ASAP3: variants seen among roughly 807,000 people sequenced by gnomAD.
ASAP3 encodes ArfGAP with SH3 domain, ankyrin repeat and PH domain 3.
ASAP3 carries 85 observed loss-of-function variants against 118.2 expected under a neutral mutation model. The observed-to-expected ratio is 0.72, with a 90% CI of 0.60 to 0.86. The LOEUF (loss-of-function observed/expected upper bound fraction) is 0.86, where lower values mean the gene tolerates loss of function less well. Ranked by LOEUF, ASAP3 falls within the 40% of genes least tolerant of loss-of-function variation. The pLI is 0.00. For missense variants in ASAP3, 1,026 were observed against 1,175.0 expected (o/e 0.87, Z 1.85); for synonymous variants, 432 against 477.4 (o/e 0.90, Z 1.24).
rs1198436 is a variant in ASAP3, at chr1:23,435,679, C to T, written c.1749+172G>A. 0.02 allele frequency: 15,434 copies of T among 761,262 alleles called. 1,481 individuals are homozygous for T. In the African/African-American group the frequency reaches 0.22, roughly 11 times the overall value. 47.2% of individuals were successfully genotyped at this position (761,262 alleles called of 1,614,324 possible). ...CTAGGAAAAAACAGAGCCAGGATTC[C>T]CACCCAGGTCTGCCTGACTGAAGCT... On this transcript the variant is annotated intron_variant, in intron 17 of 24. Coordinates refer to ENST00000336689, the MANE Select transcript of ASAP3 (RefSeq NM_017707.4).
In ASAP3 at chr1:23,437,033, G is replaced by GC; in HGVS notation, c.1353dup (p.Leu452AlafsTer53). ...GTGAGCACGCCCAGGTTGGTGCTGAGCCACGTGGGGTCTGCAGAGGAAAGC... is the reference window on the plus strand; with the variant it reads ...GTGAGCACGCCCAGGTTGGTGCTGAGCCCACGTGGGGTCTGCAGAGGAAAGC... On this transcript the variant is annotated frameshift_variant, in exon 15 of 25. Transcript: ENST00000336689. LOFTEE classifies it high-confidence loss of function. This position sits in a 1 kb window ranked among gnomAD's most constrained non-coding sequence, Gnocchi z 6.1. The GC allele has an allele frequency of 6.2e-7, 1 of 1,611,154 alleles. No homozygotes were observed. The highest frequency in any genetic ancestry group is 1.1e-5 in the South Asian group (1 of 90,704).
chr1:23,437,424 G>T lies in ASAP3; in HGVS notation c.1151C>A (p.Ala384Glu), dbSNP rs1640716012. 9.3e-6 allele frequency: 15 copies of T among 1,613,928 alleles called. No homozygotes were observed. The highest frequency in any genetic ancestry group is 1.3e-5 in the Non-Finnish European group (15 of 1,179,920). Residue 384 changes from alanine to glutamate, a missense_variant and splice_region_variant, in exon 13 of 25, where the codon GCG becomes GAG. Transcript: ENST00000336689. The surrounding 1 kb of genome is among the most constrained non-coding windows in gnomAD (Gnocchi z 6.1). ...FQAEDEHECE[A>E]WVSVLQNSKD... Reference sequence around the variant, plus strand: ...CCGGGCTGGCCGAGGGGGCACTCACGCCTCACACTCGTGCTCGTCCTCTGC... The same window carrying T: ...CCGGGCTGGCCGAGGGGGCACTCACTCCTCACACTCGTGCTCGTCCTCTGC...
rs1019352608 is a variant in ASAP3 at position 23,429,400 on chromosome 1, T to C, written c.*456A>G. On this transcript the variant is annotated 3_prime_UTR_variant, in exon 25 of 25. Coordinates refer to ENST00000336689, the MANE Select transcript of ASAP3 (RefSeq NM_017707.4). ...GCCTAACACAGGTCCAGACATAGAGTTGGAATTTAGTGAAGGAATATTAGA... is the reference window on the plus strand; with the variant it reads ...GCCTAACACAGGTCCAGACATAGAGCTGGAATTTAGTGAAGGAATATTAGA... 6.5e-6 allele frequency: 1 copy of C among 153,988 alleles called. No individual in the cohort carries two copies. Among genetic ancestry groups the C allele is most frequent in the Non-Finnish European group, 1.4e-5 (1 of 69,330 alleles). The allele number at this position is 153,988 out of a possible 1,614,324, so 9.5% of individuals were successfully genotyped here. A position where few individuals can be genotyped will look rare whatever the true frequency, so the allele number is the denominator to read the frequency against.
chr1:23,439,151 T>C lies in ASAP3; in HGVS notation c.1014+10A>G. On this transcript the variant is annotated intron_variant, in intron 11 of 24. Transcript: ENST00000336689. ...CGTGCCCTGAGACTCCCACCACCTC[T>C]AGGCCTCACCGTGCTGTGTGAGATG... is the stretch of plus-strand genomic sequence containing the variant. 6.2e-7 allele frequency: 1 copy of C among 1,613,886 alleles called. No individual in the cohort carries two copies. Among genetic ancestry groups the C allele is most frequent in the Non-Finnish European group, 8.5e-7 (1 of 1,179,832 alleles).
At position 23,436,787 on chromosome 1, in the gene ASAP3, G is replaced by A; in HGVS notation, c.1476+124C>T. 3 of 1,200,038 alleles carry A rather than the reference G, an allele frequency of 2.5e-6. No individual in the cohort carries two copies. Among genetic ancestry groups the A allele is most frequent in the Admixed American group, 2.3e-5 (1 of 43,458 alleles). The allele number at this position is 1,200,038 out of a possible 1,614,324, so 74.3% of individuals were successfully genotyped here. Reference sequence around the variant, plus strand: ...GTTCAGGCCCCGCCCCTGACCACCCGCTACCTGGCTTGTCCCAGCCCACCT... The same window carrying A: ...GTTCAGGCCCCGCCCCTGACCACCCACTACCTGGCTTGTCCCAGCCCACCT... On this transcript the variant is annotated intron_variant, in intron 15 of 24. Coordinates refer to ENST00000336689, the MANE Select transcript of ASAP3 (RefSeq NM_017707.4). This position sits in a 1 kb window ranked among gnomAD's most constrained non-coding sequence, Gnocchi z 4.2.
At chr1:23,433,826 T>C in intron 19 of ASAP3, 133 bp from the exon 20 acceptor site, 5 of 1,137,022 alleles carry the variant, frequency 4.4e-6, no homozygotes, top group Admixed American at 2.4e-5. Context: ...TATGTGACCA[T>C]AGGCAAGTTA....
At chr1:23,464,660 A>T (rs113753254) in intron 1 of ASAP3, among the ~76,000 whole-genome samples, 54 of 1,506 alleles carry the variant, frequency 0.036, no homozygotes, top group Middle Eastern at 0.25. Flanking sequence ...ACACTGTCTT[A>T]AAAAAAAAAA....
intron 1 of ASAP3, among the ~76,000 whole-genome samples, chr1:23,482,923 G>T (rs1290844087): frequency 6.6e-6 from 1 of 151,270 alleles, no homozygotes; most frequent in East Asian, 1.9e-4. Context: ...CTGCACTCCA[G>T]CCTGGGCGAC....
chr1:23,469,730 A>T (rs2148656236), intron 1 of ASAP3, among the ~76,000 whole-genome samples: 1 of 152,260 alleles, frequency 6.6e-6, no homozygotes, highest in East Asian at 1.9e-4. Flanking sequence ...ATTCCTCCCA[A>T]CAACTCTGTG....
chr1:23,468,629 T>C (rs575059017), intron 1 of ASAP3, among the ~76,000 whole-genome samples: 97 of 151,846 alleles, frequency 6.4e-4, no homozygotes, highest in Non-Finnish European at 1.1e-3. Context: ...TCCCAGCACT[T>C]TGGGAGGCTG....
Position 23,438,037 on chromosome 1 carries a change from A to C in ASAP3, c.1103-565T>G, listed in dbSNP as rs2148612006. ...TCTCACTCTGCTACATGAACCCTCC[A>C]CTCTGGCCAAACCGGCCAGACCCAC... On this transcript the variant is annotated intron_variant, in intron 12 of 24. Coordinates refer to ENST00000336689, the MANE Select transcript of ASAP3 (RefSeq NM_017707.4). This position sits in a 1 kb window ranked among gnomAD's most constrained non-coding sequence, Gnocchi z 4.9. Among the ~76,000 whole-genome samples the C allele has an allele frequency of 6.6e-6, 1 of 151,550 alleles. No homozygotes were observed. The highest frequency in any genetic ancestry group is 2.1e-4 in the South Asian group (1 of 4,790).
intron 22 of ASAP3, among the ~76,000 whole-genome samples, chr1:23,432,702 T>C (rs1640482953): frequency 6.6e-6 from 1 of 152,242 alleles, no homozygotes; most frequent in South Asian, 2.1e-4. Context: ...TATCACATTG[T>C]GCCTTGTATT....
chr1:23,460,402 G>A (rs183535652), intron 1 of ASAP3, among the ~76,000 whole-genome samples: 3 of 151,808 alleles, frequency 2.0e-5, no homozygotes, highest in African/African-American at 4.8e-5. Context: ...AGCTACTCGG[G>A]AGGCTAAGGC....
chr1:23,456,465 G>A (rs1641391229), intron 1 of ASAP3, among the ~76,000 whole-genome samples: 1 of 152,168 alleles, frequency 6.6e-6, no homozygotes, highest in South Asian at 2.1e-4. Context: ...TGAGTCAAAG[G>A]TACGTGGCAT....
chr1:23,435,799 G>A, intron 17 of ASAP3, 52 bp downstream of exon 17: 2 of 1,601,370 alleles, frequency 1.2e-6, no homozygotes, highest in Non-Finnish European at 1.7e-6. Context: ...GAGAAGAACT[G>A]GGGAATATGT....
intron 9 of ASAP3, 30 bp downstream of exon 9, chr1:23,441,357 C>A: frequency 6.2e-7 from 1 of 1,612,782 alleles, no homozygotes; most frequent in Non-Finnish European, 8.5e-7. Flanking sequence ...TGGGGGAGGG[C>A]ATTCCTTTTG....
chr1:23,473,081 G>A (rs1185293619), intron 1 of ASAP3, among the ~76,000 whole-genome samples: 5 of 152,014 alleles, frequency 3.3e-5, no homozygotes, highest in Non-Finnish European at 7.4e-5. Flanking sequence ...AGTTCTCTCC[G>A]TGCCCTCAGA....
chr1:23,442,403 T>G (rs180830647), intron 6 of ASAP3, 98 bp downstream of exon 6: 2 of 1,590,984 alleles, frequency 1.3e-6, no homozygotes, highest in Non-Finnish European at 1.7e-6. Context: ...CAGGGCCATG[T>G]GGCCAGGACC....
At chr1:23,479,772 A>C (rs1311626982) in intron 1 of ASAP3, 1 of 152,178 alleles carries the variant, frequency 6.6e-6, no homozygotes, top group Non-Finnish European at 1.5e-5. Flanking sequence ...CCATGAGGAG[A>C]TACATTGGGA....
Sources: allele counts gnomAD v4.1 joint callset (sites outside exome capture counted in the v4.1 genomes callset), GRCh38; gene constraint gnomAD v4.1.1; non-coding constraint Gnocchi (gnomAD v3.1); transcripts MANE v1.5; gene names NCBI Gene and HGNC (gene_info 2026-07-23, HGNC 2026-07-21).